APP: variants seen among roughly 807,000 people sequenced by gnomAD.
APP encodes the protein amyloid-beta precursor protein.
A neutral mutation model predicts 101.4 loss-of-function variants in APP; 31 were observed. That is an observed-to-expected ratio of 0.31 (90% CI 0.23 to 0.41). The LOEUF (loss-of-function observed/expected upper bound fraction) is 0.41, where lower values mean the gene tolerates loss of function less well. Ranked by LOEUF, APP falls within the 10% of genes least tolerant of loss-of-function variation. The pLI is 1.00. For missense variants in APP, 839 were observed against 1,003.7 expected (o/e 0.84, Z 2.22); for synonymous variants, 366 against 364.4 (o/e 1.00, Z -0.05).
intron 3 of APP, among the ~76,000 whole-genome samples, chr21:26,074,727 G>C (rs953875086): frequency 2.0e-5 from 3 of 150,698 alleles, no homozygotes; most frequent in African/African-American, 7.3e-5. Flanking sequence ...CTCCAGCCTG[G>C]GTGACAGAGA....
chr21:25,971,643 G>A (rs560129553), intron 11 of APP, among the ~76,000 whole-genome samples: 2 of 152,150 alleles, frequency 1.3e-5, no homozygotes, highest in South Asian at 4.1e-4. Context: ...AGTAATGATG[G>A]GTACATGCAT....
intron 5 of APP, among the ~76,000 whole-genome samples, chr21:26,049,742 C>CAT (rs2045758920): frequency 6.6e-6 from 1 of 152,052 alleles, no homozygotes; most frequent in Non-Finnish European, 1.5e-5. Context: ...AATGGTTATC[C>CAT]ATTGATTCCA....
intron 5 of APP, among the ~76,000 whole-genome samples, chr21:26,029,484 T>C (rs2044726598): frequency 1.4e-5 from 2 of 144,112 alleles, no homozygotes; most frequent in African/African-American, 5.3e-5. Flanking sequence ...AGGCAGAGAT[T>C]CCAGGTGTCT....
intron 13 of APP, among the ~76,000 whole-genome samples, chr21:25,912,970 A>C (rs1298069107): frequency 1.3e-5 from 2 of 152,234 alleles, no homozygotes; most frequent in Non-Finnish European, 2.9e-5. Context: ...TGCACTATTA[A>C]CAATAATATT....
At chr21:26,001,815 C>T (rs2043306912) in intron 6 of APP, among the ~76,000 whole-genome samples, 1 of 13,706 alleles carries the variant, frequency 7.3e-5, no homozygotes, top group African/African-American at 2.8e-4. Context: ...CAGATTGATT[C>T]TAATTAGCCA....
chr21:25,924,374 T>G (rs1314363916), intron 13 of APP, among the ~76,000 whole-genome samples: 1 of 11,356 alleles, frequency 8.8e-5, no homozygotes, highest in African/African-American at 2.6e-4. Flanking sequence ...AAACTTAAAG[T>G]ATAATAAAAA....
chr21:25,997,438 A>G (rs753107884), intron 7 of APP, 22 bp from the exon 8 acceptor site: 7 of 1,596,554 alleles, frequency 4.4e-6, no homozygotes, highest in Non-Finnish European at 5.2e-6. Flanking sequence ...ATAAGAGAAC[A>G]TAACTAAAAA....
intron 14 of APP, among the ~76,000 whole-genome samples, chr21:25,909,135 T>C (rs908325345): frequency 2.6e-5 from 4 of 151,732 alleles, no homozygotes; most frequent in Admixed American, 6.6e-5. Flanking sequence ...TGGTGGCGGG[T>C]ACCTATAGTC....
chr21:25,954,295 C>G (rs996397458), intron 13 of APP, among the ~76,000 whole-genome samples: 1 of 152,164 alleles, frequency 6.6e-6, no homozygotes, highest in Non-Finnish European at 1.5e-5. Context: ...AGAGCCATAA[C>G]AAGATTGGGC....
intron 6 of APP, among the ~76,000 whole-genome samples, chr21:26,014,526 T>C (rs1254752194): frequency 6.6e-6 from 1 of 152,218 alleles, no homozygotes; most frequent in East Asian, 1.9e-4. Flanking sequence ...AAAACTTTTG[T>C]TCCGGGCTGA....
In APP at chr21:26,078,115, T is replaced by C. The variant is rs189664657; in HGVS notation, c.355+11828A>G. Among the ~76,000 whole-genome samples, 118 of 152,374 alleles carry C rather than the reference T, an allele frequency of 7.7e-4. 1 individual carries two copies. Among genetic ancestry groups the C allele is most frequent in the African/African-American group, 2.3e-3 (95 of 41,600 alleles). Reference sequence around the variant, plus strand: ...AGCATATTCTTTTCCTCAGTGCTAATTGAGAACTGGCTTTAAAAATTCATT... The same window carrying C: ...AGCATATTCTTTTCCTCAGTGCTAACTGAGAACTGGCTTTAAAAATTCATT... On this transcript the variant is annotated intron_variant, in intron 3 of 17. Coordinates refer to ENST00000346798, the MANE Select transcript of APP (RefSeq NM_000484.4).
chr21:26,038,713 G>A (rs963778643), intron 5 of APP, among the ~76,000 whole-genome samples: 3 of 152,230 alleles, frequency 2.0e-5, no homozygotes, highest in African/African-American at 7.2e-5. Flanking sequence ...GCAGTGAGCC[G>A]AGATTGTGCC....
At position 25,943,609 on chromosome 21, in the gene APP, C is replaced by T. The variant is rs544124318; in HGVS notation, c.1687+10981G>A. On this transcript the variant is annotated intron_variant, in intron 13 of 17. Transcript: ENST00000346798. ...GATTACAGGCATGTGCCACCATGCC[C>T]GGCTAATTTTTTTATTTTTAGTAGA... 1.8e-4 allele frequency among the ~76,000 whole-genome samples: 27 copies of T among 151,898 alleles called. No homozygotes were observed. The South Asian group carries it at 3.5e-3, about 20-fold the overall frequency.
intron 17 of APP, among the ~76,000 whole-genome samples, chr21:25,885,890 T>G (rs1019140458): frequency 3.3e-5 from 5 of 152,166 alleles, no homozygotes; most frequent in African/African-American, 9.7e-5. Context: ...AAGATTCTAT[T>G]TGGGTGACCT....
intron 1 of APP, among the ~76,000 whole-genome samples, chr21:26,157,202 T>A (rs1458773330): frequency 1.3e-5 from 2 of 152,152 alleles, no homozygotes; most frequent in Non-Finnish European, 2.9e-5. Flanking sequence ...CCCGAGTAAC[T>A]GAGACTACAG....
chr21:26,039,603 G>A (rs556126029), intron 5 of APP, among the ~76,000 whole-genome samples: 179 of 152,296 alleles, frequency 1.2e-3, no homozygotes, highest in Non-Finnish European at 1.9e-3. Context: ...CCACAGGCAC[G>A]TGTGGCCTAC....
chr21:26,120,415 A>G (rs961068211), intron 1 of APP, among the ~76,000 whole-genome samples: 2 of 152,140 alleles, frequency 1.3e-5, no homozygotes, highest in African/African-American at 4.8e-5. Context: ...TTGGTCTCCT[A>G]AAGTGCTGGG....
intron 2 of APP, among the ~76,000 whole-genome samples, chr21:26,105,770 C>A (rs929543211): frequency 1.3e-5 from 2 of 152,164 alleles, no homozygotes; most frequent in Non-Finnish European, 2.9e-5. Flanking sequence ...GCCACCTGCT[C>A]AATACTCCCC....
At chr21:25,914,492 G>A (rs2039240909) in intron 13 of APP, among the ~76,000 whole-genome samples, 2 of 146,290 alleles carry the variant, frequency 1.4e-5, no homozygotes, top group South Asian at 4.4e-4. Flanking sequence ...CCCTTTATGT[G>A]CATCTGCCAT....
Sources: allele counts gnomAD v4.1 joint callset (sites outside exome capture counted in the v4.1 genomes callset), GRCh38; gene constraint gnomAD v4.1.1; transcripts MANE v1.5; gene names NCBI Gene and HGNC (gene_info 2026-07-23, HGNC 2026-07-21).